RAP1GAP2: variants seen among roughly 807,000 people sequenced by gnomAD.
RAP1GAP2 encodes RAP1 GTPase activating protein 2.
Under a neutral mutation model 95.0 loss-of-function variants are expected in RAP1GAP2, and 27 were observed. The observed-to-expected ratio is 0.28, with a 90% CI of 0.21 to 0.39. RAP1GAP2 has a LOEUF of 0.39. Ranked by LOEUF, RAP1GAP2 falls within the 10% of genes least tolerant of loss-of-function variation. The probability of loss-of-function intolerance (pLI) is 1.00; values close to 1 mark genes in which losing one functional copy is unlikely to be tolerated. For synonymous variants in RAP1GAP2, 373 were observed against 380.9 expected (o/e 0.98, Z 0.24); for missense variants, 771 against 970.0 (o/e 0.79, Z 2.72).
chr17:2,969,628 A>T (rs748095615), intron 8 of RAP1GAP2, among the ~76,000 whole-genome samples: 4 of 149,724 alleles, frequency 2.7e-5, no homozygotes, highest in African/African-American at 9.8e-5. Context: ...CAGCCTCCCA[A>T]GTAGCTGGGA....
chr17:2,981,962 C>T (rs973552171), intron 10 of RAP1GAP2, among the ~76,000 whole-genome samples: 10 of 152,202 alleles, frequency 6.6e-5, no homozygotes, highest in African/African-American at 2.4e-4. Flanking sequence ...AGAGGGACAA[C>T]GGAAGCAGAG....
intron 8 of RAP1GAP2, among the ~76,000 whole-genome samples, chr17:2,975,305 C>G (rs1244696769): frequency 6.6e-6 from 1 of 151,944 alleles, no homozygotes; most frequent in African/African-American, 2.4e-5. Flanking sequence ...ATTAAATTAG[C>G]CTATTACAAT....
At position 2,963,143 on chromosome 17, in the gene RAP1GAP2, C is replaced by T. The variant is rs1320843019; in HGVS notation, c.247-287C>T. On this transcript the variant is annotated intron_variant, in intron 5 of 24. Coordinates refer to ENST00000254695, the MANE Select transcript of RAP1GAP2 (RefSeq NM_015085.5). The surrounding 1 kb of genome is among the most constrained non-coding windows in gnomAD (Gnocchi z 4.8). ...CTGGGGGAGACTAGGGGTCATTTTC[C>T]GGAATGAGCGTTCTAGGATGAGAAG... 3.7e-5 allele frequency: 20 copies of T among 546,372 alleles called. No homozygotes were observed. The Admixed American group carries it at 3.7e-4, about 10-fold the overall frequency. 33.8% of individuals were successfully genotyped at this position (546,372 alleles called of 1,614,324 possible).
intron 2 of RAP1GAP2, among the ~76,000 whole-genome samples, chr17:2,875,043 G>C (rs76500731): frequency 2.0e-5 from 3 of 152,030 alleles, no homozygotes; most frequent in Non-Finnish European, 2.9e-5. Context: ...GGCGCCCTTC[G>C]ACATTTGTTA....
intron 3 of RAP1GAP2, among the ~76,000 whole-genome samples, chr17:2,954,868 AG>A (rs1202062716): frequency 6.6e-6 from 1 of 152,214 alleles, no homozygotes; most frequent in East Asian, 1.9e-4. Flanking sequence ...CTGGGATTAC[AG>A]GTGTGAGCCA....
intron 5 of RAP1GAP2, chr17:2,962,943 G>A (rs2044405115): frequency 1.8e-6 from 1 of 563,066 alleles, no homozygotes; most frequent in Non-Finnish European, 3.1e-6. Flanking sequence ...TGGGGGTGGA[G>A]GCCTCGGTGG....
In RAP1GAP2 at chr17:2,797,719, G is replaced by C; in HGVS notation, c.44+1148G>C. Reference sequence around the variant, plus strand: ...ATGGTGCGGATGAGAAGATGGCACAGCGTCGCCTGTGTCTGCTCTCGGGCC... The same window carrying C: ...ATGGTGCGGATGAGAAGATGGCACACCGTCGCCTGTGTCTGCTCTCGGGCC... On this transcript the variant is annotated intron_variant, in intron 1 of 24. Transcript: ENST00000254695. The surrounding 1 kb of genome is among the most constrained non-coding windows in gnomAD (Gnocchi z 5.6). 1 of 985,428 alleles carries C rather than the reference G, an allele frequency of 1.0e-6. No individual in the cohort carries two copies. The highest frequency in any genetic ancestry group is 4.7e-5 in the South Asian group (1 of 21,286). The allele number at this position is 985,428 out of a possible 1,614,324, so 61.0% of individuals were successfully genotyped here.
At chr17:3,021,654 C>A (rs113009671) in intron 19 of RAP1GAP2, among the ~76,000 whole-genome samples, 2 of 152,118 alleles carry the variant, frequency 1.3e-5, no homozygotes, top group Non-Finnish European at 2.9e-5. Flanking sequence ...AGGCTAGTCT[C>A]GAACTCCTGA....
At chr17:2,891,223 C>G (rs2073703444) in intron 2 of RAP1GAP2, among the ~76,000 whole-genome samples, 1 of 151,838 alleles carries the variant, frequency 6.6e-6, no homozygotes, top group African/African-American at 2.4e-5. Flanking sequence ...TCATGGCTTA[C>G]TACAGTCTTG....
chr17:2,963,353 G>T lies in RAP1GAP2; in HGVS notation c.247-77G>T. On this transcript the variant is annotated intron_variant, in intron 5 of 24. Transcript: ENST00000254695. The surrounding 1 kb of genome is among the most constrained non-coding windows in gnomAD (Gnocchi z 4.8). The stretch of plus-strand genomic sequence containing the variant: ...AGCCCCCCCACAACATATCCCCCTT[G>T]CAAGACCTGGAAACAGTGGTCAGAC... The T allele has an allele frequency of 6.4e-7, 1 of 1,567,294 alleles. No homozygotes were observed. Among genetic ancestry groups the T allele is most frequent in the East Asian group, 2.2e-5 (1 of 44,560 alleles).
intron 3 of RAP1GAP2, among the ~76,000 whole-genome samples, chr17:2,953,816 C>T (rs532033534): frequency 7.6e-4 from 115 of 152,272 alleles, no homozygotes; most frequent in African/African-American, 2.6e-3. Context: ...CATTGCACTC[C>T]AGCCTGGGTG....
chr17:2,795,169 C>A (rs1461336763), upstream of RAP1GAP2, among the ~76,000 whole-genome samples: 1 of 151,764 alleles, frequency 6.6e-6, no homozygotes, highest in Non-Finnish European at 1.5e-5. Flanking sequence ...TGAGCCGCCA[C>A]ACCCGGCCTT....
intron 13 of RAP1GAP2, 76 bp downstream of exon 13, chr17:2,995,542 A>G: frequency 6.3e-7 from 1 of 1,576,898 alleles, no homozygotes; most frequent in Non-Finnish European, 8.7e-7. Context: ...ACCTGCTAAG[A>G]GGCTGTGGCC....
rs138556700 is a variant in RAP1GAP2, at chr17:2,926,749, A to T, written c.165+21381A>T. 9.2e-3 allele frequency among the ~76,000 whole-genome samples: 1,401 copies of T among 152,090 alleles called. 27 individuals carry two copies. Among genetic ancestry groups the T allele is most frequent in the African/African-American group, 0.032 (1,340 of 41,498 alleles). On this transcript the variant is annotated intron_variant, in intron 3 of 24. Transcript: ENST00000254695. Reference sequence around the variant, plus strand: ...GCTGGGCGCGATGGCTCACATCTGTAATCCTAGCACTTTGAGAGGCCGAGG... The same window carrying T: ...GCTGGGCGCGATGGCTCACATCTGTTATCCTAGCACTTTGAGAGGCCGAGG...
chr17:3,008,355 C>T lies in RAP1GAP2; in HGVS notation c.1494+210C>T, dbSNP rs2046400618. 1.3e-5 allele frequency among the ~76,000 whole-genome samples: 2 copies of T among 152,316 alleles called. No homozygotes were observed. Among genetic ancestry groups the T allele is most frequent in the South Asian group, 2.1e-4 (1 of 4,828 alleles). ...CAGCCAGCAGTTTTCTCAGCAGCCT[C>T]CCCATCCTTCCTCTATCTGGGTCAT... is the stretch of plus-strand genomic sequence containing the variant. On this transcript the variant is annotated intron_variant, in intron 17 of 24. Transcript: ENST00000254695. The surrounding 1 kb of genome is among the most constrained non-coding windows in gnomAD (Gnocchi z 4.2).
intron 1 of RAP1GAP2, among the ~76,000 whole-genome samples, chr17:2,761,718 G>A (rs9913537): frequency 0.17 from 26,348 of 152,120 alleles, 3,299 homozygotes; most frequent in African/African-American, 0.36. Flanking sequence ...GTAAAATGGT[G>A]AAGTACAGGT....
chr17:2,818,087 C>T (rs555927866), intron 2 of RAP1GAP2, among the ~76,000 whole-genome samples: 8 of 151,904 alleles, frequency 5.3e-5, no homozygotes, highest in African/African-American at 1.5e-4. Context: ...CTGCCCTCCT[C>T]GGCCTCCTAA....
At chr17:2,930,294 G>A (rs1191539544) in intron 3 of RAP1GAP2, among the ~76,000 whole-genome samples, 1 of 152,228 alleles carries the variant, frequency 6.6e-6, no homozygotes, top group Non-Finnish European at 1.5e-5. Context: ...CTGGGGCTGG[G>A]GGTCTGGGGA....
rs1311842403 is a variant in RAP1GAP2 at position 2,797,135 on chromosome 17, C to T, written c.44+564C>T. Among the ~76,000 whole-genome samples, 1 of 152,004 alleles carries T rather than the reference C, an allele frequency of 6.6e-6. No homozygotes were observed. Among genetic ancestry groups the T allele is most frequent in the African/African-American group, 2.4e-5 (1 of 41,362 alleles). On this transcript the variant is annotated intron_variant, in intron 1 of 24. Coordinates refer to ENST00000254695, the MANE Select transcript of RAP1GAP2 (RefSeq NM_015085.5). The surrounding 1 kb of genome is among the most constrained non-coding windows in gnomAD (Gnocchi z 5.6). ...CTTGTGGCAGGGGAGTCTGTACCTG[C>T]TGGACCTCTGGGCTGCCTGCTGTCT...
Sources: allele counts gnomAD v4.1 joint callset (sites outside exome capture counted in the v4.1 genomes callset), GRCh38; gene constraint gnomAD v4.1.1; non-coding constraint Gnocchi (gnomAD v3.1); transcripts MANE v1.5; gene names NCBI Gene and HGNC (gene_info 2026-07-23, HGNC 2026-07-21).